The following BBS9 variants were observed in gnomAD, a reference collection of about 807,000 sequenced individuals.
BBS9 encodes the protein protein PTHB1.
Under a neutral mutation model 117.7 loss-of-function variants are expected in BBS9, and 89 were observed. The ratio of observed to expected loss-of-function variants is 0.76; its 90% CI spans 0.64 to 0.90. The LOEUF is 0.90. Among genes scored for constraint, BBS9 ranks in the 40% least tolerant of loss-of-function variants. BBS9 has a pLI of 0.00. For synonymous variants in BBS9, 379 were observed against 370.9 expected (o/e 1.02, Z -0.25); for missense variants, 982 against 1,042.2 (o/e 0.94, Z 0.80).
chr7:33,376,265 T>C (rs115581544), intron 17 of BBS9, among the ~76,000 whole-genome samples: 1,589 of 152,222 alleles, frequency 0.01, 31 homozygotes, highest in African/African-American at 0.036. Context: ...CTCCTACTTA[T>C]AAGTGAGAAT....
intron 20 of BBS9, among the ~76,000 whole-genome samples, chr7:33,514,636 A>G (rs1197092774): frequency 6.6e-6 from 1 of 152,250 alleles, no homozygotes; most frequent in Non-Finnish European, 1.5e-5. Context: ...AGAAAAATAT[A>G]GAATAAGTTT....
intron 7 of BBS9, among the ~76,000 whole-genome samples, chr7:33,265,180 T>C (rs1177875765): frequency 6.6e-6 from 1 of 152,092 alleles, no homozygotes; most frequent in Non-Finnish European, 1.5e-5. Context: ...AGAAGGAAGC[T>C]AAATGGAGAA....
intron 5 of BBS9, among the ~76,000 whole-genome samples, chr7:33,225,699 C>CTTTT (rs72137184): frequency 2.3e-5 from 3 of 131,264 alleles, no homozygotes; most frequent in South Asian, 2.4e-4. Context: ...GAGCTTGGTT[C>CTTTT]TTTTTTTTTT....
intron 5 of BBS9, among the ~76,000 whole-genome samples, chr7:33,184,092 GCA>G (rs1251959588): frequency 5.1e-5 from 7 of 137,238 alleles, no homozygotes; most frequent in African/African-American, 1.5e-4. Context: ...TAAGCAGTTT[GCA>G]CACAGAGAGA....
intron 21 of BBS9, among the ~76,000 whole-genome samples, chr7:33,590,114 C>A (rs1861592094): frequency 6.6e-6 from 1 of 152,028 alleles, no homozygotes; most frequent in Non-Finnish European, 1.5e-5. Context: ...CAGCTGAGAG[C>A]TGAAAATTAG....
intron 19 of BBS9, among the ~76,000 whole-genome samples, chr7:33,393,939 T>C (rs1827507082): frequency 6.6e-6 from 1 of 152,180 alleles, no homozygotes; most frequent in Admixed American, 6.5e-5. Flanking sequence ...GGTTATTTCC[T>C]GTATCCTGTA....
chr7:33,150,993 A>G (rs1259997586), intron 2 of BBS9, among the ~76,000 whole-genome samples: 1 of 152,200 alleles, frequency 6.6e-6, no homozygotes, highest in East Asian at 1.9e-4. Context: ...TCAGGTCAAG[A>G]ACCAATTCCC....
intron 9 of BBS9, among the ~76,000 whole-genome samples, chr7:33,304,591 C>G (rs1274405530): frequency 6.6e-6 from 1 of 152,172 alleles, no homozygotes; most frequent in Non-Finnish European, 1.5e-5. Context: ...GTGCAATCTT[C>G]CAAGTGTGAA....
chr7:33,341,137 C>A (rs1471623176), intron 11 of BBS9, among the ~76,000 whole-genome samples, 164 bp downstream of exon 11: 4 of 152,026 alleles, frequency 2.6e-5, no homozygotes, highest in Admixed American at 6.6e-5. Flanking sequence ...TTAGTAGCCC[C>A]TTAGTGCCAG....
chr7:33,507,836 G>A (rs112967437), intron 20 of BBS9, among the ~76,000 whole-genome samples: 17 of 152,272 alleles, frequency 1.1e-4, no homozygotes, highest in African/African-American at 4.1e-4. Flanking sequence ...CAAAAAGTAG[G>A]GGAAGAGGTG....
chr7:33,524,582 G>A lies in BBS9; in HGVS notation c.2299-9372G>A, dbSNP rs1318634870. ...CTGATGGTAGTTTGCATTTCTGTGG[G>A]ATCGGTGGTGATATCCCCTTTATCA... On this transcript the variant is annotated intron_variant, in intron 20 of 22. Coordinates refer to ENST00000242067, the MANE Select transcript of BBS9 (RefSeq NM_198428.3). Among the ~76,000 whole-genome samples the A allele has an allele frequency of 3.9e-5, 6 of 152,304 alleles. No individual in the cohort carries two copies. In the East Asian group the frequency reaches 1.2e-3, roughly 29 times the overall value.
intron 21 of BBS9, among the ~76,000 whole-genome samples, chr7:33,568,134 C>T (rs998561492): frequency 2.0e-5 from 3 of 152,190 alleles, no homozygotes; most frequent in Non-Finnish European, 4.4e-5. Context: ...TCAGGCCCTT[C>T]GTGACCTCAT....
rs1451490018 is a variant in BBS9 at position 33,351,313 on chromosome 7, C to T, written c.1527C>T (p.Ser509=). Residue 509 remains serine (S), a synonymous_variant, in exon 14 of 23, where the codon TCC becomes TCT. Transcript: ENST00000242067. The part of the protein sequence containing the change: ...ELEGNAVVSY[S]RPTDRNPDGI... Reference sequence around the variant, plus strand: ...AAGGAAATGCTGTTGTTTCTTATTCCAGACCAACAGGTAAACATACAGGCT... The same window carrying T: ...AAGGAAATGCTGTTGTTTCTTATTCTAGACCAACAGGTAAACATACAGGCT... 1.9e-5 allele frequency: 30 copies of T among 1,600,836 alleles called. No homozygotes were observed. Among genetic ancestry groups the T allele is most frequent in the Non-Finnish European group, 2.6e-5 (30 of 1,168,032 alleles).
intron 18 of BBS9, among the ~76,000 whole-genome samples, chr7:33,385,995 C>T (rs1041762308): frequency 4.0e-5 from 6 of 151,880 alleles, no homozygotes; most frequent in Admixed American, 2.0e-4. Flanking sequence ...GTGGGGGGAG[C>T]GGAGAGGGAT....
At chr7:33,387,494 T>A (rs750240092) in intron 18 of BBS9, among the ~76,000 whole-genome samples, 2 of 152,162 alleles carry the variant, frequency 1.3e-5, no homozygotes, top group Non-Finnish European at 2.9e-5. Flanking sequence ...TCATGTGGAA[T>A]TAAATGTTTT....
chr7:33,562,197 T>C (rs535813218), intron 21 of BBS9, among the ~76,000 whole-genome samples: 2 of 152,296 alleles, frequency 1.3e-5, no homozygotes, highest in South Asian at 4.2e-4. Context: ...GACCCTTAGA[T>C]TTACCATTGA....
intron 9 of BBS9, among the ~76,000 whole-genome samples, chr7:33,312,298 G>C (rs573637218): frequency 6.6e-6 from 1 of 152,132 alleles, no homozygotes; most frequent in Admixed American, 6.5e-5. Context: ...CGGGATATAG[G>C]CATCTGTCTT....
chr7:33,596,320 A>C (rs1862782475), intron 21 of BBS9, among the ~76,000 whole-genome samples: 1 of 149,602 alleles, frequency 6.7e-6, no homozygotes, highest in African/African-American at 2.5e-5. Flanking sequence ...GTGTGTGACT[A>C]TTGATACATA....
intron 19 of BBS9, among the ~76,000 whole-genome samples, chr7:33,479,914 G>C (rs948762714): frequency 1.3e-5 from 2 of 152,076 alleles, no homozygotes; most frequent in South Asian, 2.1e-4. Flanking sequence ...TTTTAATGAG[G>C]TTGTTTGTTT....
Sources: gnomAD v4.1 joint callset for allele counts (sites outside exome capture counted in the v4.1 genomes callset) on GRCh38, gnomAD v4.1.1 for gene constraint, MANE v1.5 for transcripts, NCBI Gene and HGNC (gene_info 2026-07-23, HGNC 2026-07-21) for gene names.